The following USP7 variants were observed in gnomAD, a reference collection of about 807,000 sequenced individuals.
USP7 encodes the protein ubiquitin C-terminal hydrolase 7.
A neutral mutation model predicts 162.9 loss-of-function variants in USP7; 9 were observed. That is an observed-to-expected ratio of 0.06 (90% CI 0.03 to 0.10). The LOEUF (loss-of-function observed/expected upper bound fraction) is 0.10, where lower values mean the gene tolerates loss of function less well. USP7 is among the 10% of genes least tolerant of loss of function. The pLI, the probability that USP7 is intolerant of heterozygous loss-of-function variation, is 1.00. For synonymous variants in USP7, 562 were observed against 475.9 expected (o/e 1.18, Z -2.35); for missense variants, 715 against 1,373.7 (o/e 0.52, Z 7.58).
intron 1 of USP7, among the ~76,000 whole-genome samples, chr16:8,956,707 G>A (rs545810430): frequency 5.3e-4 from 80 of 151,914 alleles, no homozygotes; most frequent in African/African-American, 1.7e-3. Flanking sequence ...AGGTTGCAGT[G>A]AGCCGAGATC....
chr16:8,957,385 C>G (rs1336656983), intron 1 of USP7, among the ~76,000 whole-genome samples: 1 of 152,156 alleles, frequency 6.6e-6, no homozygotes, highest in East Asian at 1.9e-4. Flanking sequence ...TCTTGTTCTC[C>G]AGGATAAAAC....
At chr16:8,894,261 G>T (rs757242380) in intron 30 of USP7, among the ~76,000 whole-genome samples, 157 bp from the exon 31 acceptor site, 5 of 152,172 alleles carry the variant, frequency 3.3e-5, no homozygotes, top group Non-Finnish European at 5.9e-5. Flanking sequence ...GAGCTAAGGA[G>T]GCCCACACCC....
intron 1 of USP7, among the ~76,000 whole-genome samples, chr16:8,931,869 C>T (rs1184595076): frequency 1.3e-5 from 2 of 152,206 alleles, no homozygotes; most frequent in East Asian, 3.8e-4. Flanking sequence ...GCTGGCCCCA[C>T]GGTTGCCTAC....
intron 24 of USP7, 45 bp downstream of exon 24, chr16:8,898,486 A>G (rs757999202): frequency 6.2e-7 from 1 of 1,604,370 alleles, no homozygotes; most frequent in South Asian, 1.1e-5. Flanking sequence ...CAAAACCCCG[A>G]GCCTTCTCTT....
chr16:8,921,836 C>T (rs1312437088), intron 3 of USP7, among the ~76,000 whole-genome samples: 1 of 152,160 alleles, frequency 6.6e-6, no homozygotes, highest in Admixed American at 6.5e-5. Flanking sequence ...ACAAAAGGGC[C>T]TCTAGATCCA....
Position 8,893,745 on chromosome 16 carries a change from T to C in USP7, c.*253A>G. 1 of 425,892 alleles carries C rather than the reference T, an allele frequency of 2.3e-6. No individual in the cohort carries two copies. Among genetic ancestry groups the C allele is most frequent in the South Asian group, 2.4e-5 (1 of 42,320 alleles). The allele number at this position is 425,892 out of a possible 1,614,324, so 26.4% of individuals were successfully genotyped here. ...TCTTCTCCCCCATTGCGCTGACAGT[T>C]GCCTTGCACTGTGGTTACCATAAAA... On this transcript the variant is annotated 3_prime_UTR_variant, in exon 31 of 31. Transcript: ENST00000344836.
chr16:8,931,622 A>T (rs1463521575), intron 1 of USP7, among the ~76,000 whole-genome samples: 3 of 152,276 alleles, frequency 2.0e-5, no homozygotes, highest in Non-Finnish European at 4.4e-5. Context: ...AAAAACACAT[A>T]TAACTCAAGT....
At chr16:8,935,201 A>ATTTTTTTTTTTTTTTTTTTTTTTTTTTTT (rs35380091) in intron 1 of USP7, among the ~76,000 whole-genome samples, 1 of 136,410 alleles carries the variant, frequency 7.3e-6, no homozygotes. Flanking sequence ...TAAGGCACTA[A>ATTTTTTTTTTTTTTTTTTTTTTTTTTTTT]TTTTTTTTTT....
At position 8,898,304 on chromosome 16, in the gene USP7, G is replaced by A; in HGVS notation, c.2718+56C>T. ...AGTTTTCAATGTCTGGGGACAGGTA[G>A]AAACAATAAGCAAGTTCCAATAAAA... On this transcript the variant is annotated intron_variant, in intron 25 of 30. Transcript: ENST00000344836. The A allele has an allele frequency of 5.0e-6, 7 of 1,388,784 alleles. No homozygotes were observed. In the Admixed American group the frequency reaches 1.3e-4, roughly 26 times the overall value. 86.0% of individuals were successfully genotyped at this position (1,388,784 alleles called of 1,614,324 possible).
intron 1 of USP7, among the ~76,000 whole-genome samples, chr16:8,938,529 G>A (rs959762538): frequency 3.3e-5 from 5 of 151,864 alleles, no homozygotes; most frequent in Admixed American, 1.3e-4. Context: ...TGGCTAACAC[G>A]GTGAAACGCC....
chr16:8,956,009 T>C (rs1209391674), intron 1 of USP7, among the ~76,000 whole-genome samples: 2 of 151,946 alleles, frequency 1.3e-5, no homozygotes, highest in Admixed American at 1.3e-4. Context: ...GATGGGACCA[T>C]GTTCCGCAAT....
At chr16:8,922,286 C>G (rs915007020) in intron 3 of USP7, among the ~76,000 whole-genome samples, 1 of 152,136 alleles carries the variant, frequency 6.6e-6, no homozygotes, top group African/African-American at 2.4e-5. Flanking sequence ...GTCAGGAGTT[C>G]GAGACCAGCC....
At position 8,923,367 on chromosome 16, in the gene USP7, G is replaced by C; in HGVS notation, c.231C>G (p.Arg77=). 6.2e-7 allele frequency: 1 copy of C among 1,614,194 alleles called. No individual in the cohort carries two copies. The highest frequency in any genetic ancestry group is 8.5e-7 in the Non-Finnish European group (1 of 1,180,042). ...SEATFQFTVE[R]FSRLSESVLS... ...GGACCGACTCACTCAGTCTGCTGAA[G>C]CGCTCCACAGTGAACTGAAAGGTTG... The change falls in exon 3 of 31, where the codon CGC becomes CGG. Residue 77 remains arginine, a synonymous_variant. Transcript: ENST00000344836.
intron 14 of USP7, among the ~76,000 whole-genome samples, chr16:8,904,877 C>T (rs2061835476): frequency 2.0e-5 from 3 of 152,114 alleles, no homozygotes; most frequent in Non-Finnish European, 4.4e-5. Context: ...GAGGCTGAGG[C>T]AGGAGAGTGG....
chr16:8,924,615 G>A (rs1045690910), intron 2 of USP7, among the ~76,000 whole-genome samples: 1 of 152,196 alleles, frequency 6.6e-6, no homozygotes, highest in African/African-American at 2.4e-5. Context: ...GCCCCTGAAG[G>A]CAGTCACCAT....
In USP7 at chr16:8,963,287, T is replaced by A; in HGVS notation, c.-2A>T. 7.7e-7 allele frequency: 1 copy of A among 1,297,840 alleles called. No individual in the cohort carries two copies. The highest frequency in any genetic ancestry group is 1.0e-6 in the Non-Finnish European group (1 of 1,003,636). 80.4% of individuals were successfully genotyped at this position (1,297,840 alleles called of 1,614,324 possible). ...CTGCTGCTGCTGCTGGTGGTTCATGTCGGCCGCGGCCTGGGCCTCGCCTGC... is the reference window on the plus strand; with the variant it reads ...CTGCTGCTGCTGCTGGTGGTTCATGACGGCCGCGGCCTGGGCCTCGCCTGC... On this transcript the variant is annotated 5_prime_UTR_variant, in exon 1 of 31. Coordinates refer to ENST00000344836, the MANE Select transcript of USP7 (RefSeq NM_003470.3).
At chr16:8,930,480 T>C (rs1206389097) in intron 1 of USP7, 83 bp from the exon 2 acceptor site, 7 of 935,064 alleles carry the variant, frequency 7.5e-6, no homozygotes, top group Non-Finnish European at 9.3e-6. Context: ...ATACTTTTGA[T>C]GTTGCCTAAT....
intron 11 of USP7, among the ~76,000 whole-genome samples, chr16:8,910,245 C>G (rs541115983): frequency 2.4e-4 from 36 of 152,262 alleles, no homozygotes; most frequent in Non-Finnish European, 4.9e-4. Flanking sequence ...CGGGGGCTGG[C>G]CACCTGGTCG....
At position 8,899,453 on chromosome 16, in the gene USP7, C is replaced by A; in HGVS notation, c.2463+151G>T. 3 of 1,026,970 alleles carry A rather than the reference C, an allele frequency of 2.9e-6. No individual in the cohort carries two copies. In the South Asian group the frequency reaches 5.0e-5, roughly 17 times the overall value. 63.6% of individuals were successfully genotyped at this position (1,026,970 alleles called of 1,614,324 possible). On this transcript the variant is annotated intron_variant, in intron 22 of 30. Coordinates refer to ENST00000344836, the MANE Select transcript of USP7 (RefSeq NM_003470.3). ...ATGGCGATTATTCTAGCTCCCAAGG[C>A]AGAGAGCCTGAATCCATCAGTGGGA...
Sources: allele counts gnomAD v4.1 joint callset (sites outside exome capture counted in the v4.1 genomes callset), GRCh38; gene constraint gnomAD v4.1.1; transcripts MANE v1.5; gene names NCBI Gene and HGNC (gene_info 2026-07-23, HGNC 2026-07-21).